Variants in PCDH15 observed in about 807,000 individuals in gnomAD.
PCDH15 encodes protocadherin related 15.
In PCDH15, 129 loss-of-function variants were observed where a neutral mutation model predicts 178.5. The ratio of observed to expected loss-of-function variants is 0.72; its 90% CI spans 0.63 to 0.84. The LOEUF (loss-of-function observed/expected upper bound fraction) is 0.84, where lower values mean the gene tolerates loss of function less well. Ranked by LOEUF, PCDH15 falls within the 40% of genes least tolerant of loss-of-function variation. The pLI is 0.00. For synonymous variants in PCDH15, 800 were observed against 732.0 expected (o/e 1.09, Z -1.50); for missense variants, 2,230 against 2,099.9 (o/e 1.06, Z -1.21).
At chr10:55,066,561 G>A (rs1841568877) in intron 2 of PCDH15, among the ~76,000 whole-genome samples, 1 of 144,848 alleles carries the variant, frequency 6.9e-6, no homozygotes, top group South Asian at 2.2e-4. Context: ...TAAATTTATA[G>A]TCTTATTTGT....
chr10:55,080,798 T>A (rs1215615044), intron 2 of PCDH15, among the ~76,000 whole-genome samples: 1 of 152,102 alleles, frequency 6.6e-6, no homozygotes, highest in Non-Finnish European at 1.5e-5. Context: ...CCTGCTCACT[T>A]TCTACATGTG....
chr10:54,527,890 A>G lies in PCDH15; in HGVS notation c.92-13T>C, dbSNP rs959810549. ...GCTAGTTTGCAATCTAAAGAGAGAAAATAACCAAAAGTAATAATTGACTGC... is the reference window on the plus strand; with the variant it reads ...GCTAGTTTGCAATCTAAAGAGAGAAGATAACCAAAAGTAATAATTGACTGC... On this transcript the variant is annotated splice_polypyrimidine_tract_variant and intron_variant, in intron 2 of 37. Transcript: ENST00000644397. The G allele has an allele frequency of 5.0e-6, 8 of 1,602,550 alleles. No individual in the cohort carries two copies. The highest frequency in any genetic ancestry group is 2.2e-5 in the East Asian group (1 of 44,786).
At chr10:54,797,419 T>C (rs534245857) in intron 1 of PCDH15, among the ~76,000 whole-genome samples, 1 of 151,862 alleles carries the variant, frequency 6.6e-6, no homozygotes, top group East Asian at 1.9e-4. Context: ...TTAAACAAGG[T>C]TTATGATATA....
chr10:54,048,086 TTAA>T (rs1354686324), intron 18 of PCDH15, among the ~76,000 whole-genome samples: 1 of 152,174 alleles, frequency 6.6e-6, no homozygotes, highest in East Asian at 1.9e-4. Flanking sequence ...TTTTGACTTT[TTAA>T]TAATAGTCAT....
chr10:54,474,000 A>C (rs912597249), intron 3 of PCDH15, among the ~76,000 whole-genome samples: 1 of 151,864 alleles, frequency 6.6e-6, no homozygotes, highest in African/African-American at 2.4e-5. Flanking sequence ...CACATTACAT[A>C]TACATCTTTT....
intron 1 of PCDH15, among the ~76,000 whole-genome samples, chr10:54,723,715 C>A (rs1483116423): frequency 6.8e-6 from 1 of 147,716 alleles, no homozygotes; most frequent in Non-Finnish European, 1.5e-5. Context: ...AAAATAATTC[C>A]ACTGAAGAGT....
intron 3 of PCDH15, among the ~76,000 whole-genome samples, chr10:54,823,191 T>A (rs545883707): frequency 1.4e-4 from 20 of 140,574 alleles, no homozygotes; most frequent in Middle Eastern, 7.1e-3. Context: ...ATATATTTTT[T>A]AAAACACCAG....
intron 29 of PCDH15, among the ~76,000 whole-genome samples, chr10:53,837,955 ATTATTTATTTATTTATTTAT>A (rs67884582): frequency 1.4e-5 from 2 of 146,842 alleles, no homozygotes; most frequent in East Asian, 2.0e-4. Context: ...ATAAACATAT[ATTATTTATTTATTTATTTAT>A]TTATTTATTT....
chr10:54,624,588 T>C (rs1245347532), intron 2 of PCDH15, among the ~76,000 whole-genome samples: 2 of 152,210 alleles, frequency 1.3e-5, no homozygotes, highest in African/African-American at 4.8e-5. Context: ...TCCCAATCCC[T>C]GGGCCATGGA....
At chr10:55,531,143 T>C (rs1447527249) in intron 2 of PCDH15, among the ~76,000 whole-genome samples, 7 of 152,016 alleles carry the variant, frequency 4.6e-5, no homozygotes. Flanking sequence ...TATTTTTAAA[T>C]TTATTGAATT....
chr10:53,935,569 A>G (rs1326646730), intron 25 of PCDH15, among the ~76,000 whole-genome samples: 1 of 152,214 alleles, frequency 6.6e-6, no homozygotes, highest in Non-Finnish European at 1.5e-5. Context: ...TTATGGGAGC[A>G]TAGCCAAACC....
intron 1 of PCDH15, among the ~76,000 whole-genome samples, chr10:55,284,011 C>G (rs750492861): frequency 6.6e-6 from 1 of 152,154 alleles, no homozygotes; most frequent in South Asian, 2.1e-4. Flanking sequence ...GTATTAAACT[C>G]AATCTTGACT....
chr10:55,463,807 AT>A (rs1839731068), intron 2 of PCDH15, among the ~76,000 whole-genome samples: 1 of 151,582 alleles, frequency 6.6e-6, no homozygotes, highest in Admixed American at 6.6e-5. Context: ...AACAAGTGTA[AT>A]AATTTAAATT....
intron 2 of PCDH15, among the ~76,000 whole-genome samples, chr10:55,080,577 C>T (rs1842014804): frequency 2.6e-5 from 4 of 152,064 alleles, no homozygotes; most frequent in Admixed American, 2.6e-4. Flanking sequence ...TATTTGGTCC[C>T]TGGCTGCTGC....
At chr10:55,224,982 T>A (rs1382572938) in intron 1 of PCDH15, among the ~76,000 whole-genome samples, 1 of 152,150 alleles carries the variant, frequency 6.6e-6, no homozygotes, top group Non-Finnish European at 1.5e-5. Flanking sequence ...TTGGTCAATA[T>A]CATGTTATTT....
intron 1 of PCDH15, among the ~76,000 whole-genome samples, chr10:55,263,354 C>T (rs1297874347): frequency 6.6e-6 from 1 of 152,118 alleles, no homozygotes; most frequent in East Asian, 1.9e-4. Context: ...ATGAGCATTT[C>T]GCTCAGCAGC....
chr10:55,589,063 A>C (rs1445280733), intron 2 of PCDH15, among the ~76,000 whole-genome samples: 2 of 147,824 alleles, frequency 1.4e-5, no homozygotes, highest in Non-Finnish European at 3.0e-5. Context: ...CCTGGGCAGC[A>C]AGAGCAAAAT....
At chr10:53,822,890 A>T (rs777727173) in intron 32 of PCDH15, 2 of 1,613,958 alleles carry the variant, frequency 1.2e-6, no homozygotes, top group South Asian at 2.2e-5. Flanking sequence ...TACAGATTCC[A>T]GTGTTTTCAT....
chr10:54,737,975 C>T (rs1944332221), intron 1 of PCDH15, among the ~76,000 whole-genome samples: 1 of 152,044 alleles, frequency 6.6e-6, no homozygotes, highest in African/African-American at 2.4e-5. Flanking sequence ...CACTGAAAAG[C>T]TGAGCTGAAA....
Sources: allele counts gnomAD v4.1 joint callset (sites outside exome capture counted in the v4.1 genomes callset), GRCh38; gene constraint gnomAD v4.1.1; transcripts MANE v1.5; gene names NCBI Gene and HGNC (gene_info 2026-07-23, HGNC 2026-07-21).